Variants in MSRA observed in about 807,000 individuals in gnomAD.
The protein encoded by MSRA is mitochondrial peptide methionine sulfoxide reductase.
Under a neutral mutation model 31.3 loss-of-function variants are expected in MSRA, and 54 were observed. That is an observed-to-expected ratio of 1.73 (90% CI 1.39 to 2.17). The LOEUF (loss-of-function observed/expected upper bound fraction) is 2.17. Among genes scored for constraint, MSRA ranks in the 30% most tolerant of loss-of-function variants. The pLI, the probability that MSRA is intolerant of heterozygous loss-of-function variation, is 0.00. For missense variants in MSRA, 507 were observed against 300.9 expected (o/e 1.69, Z -5.07); for synonymous variants, 169 against 116.5 (o/e 1.45, Z -2.90).
In MSRA at chr8:10,138,288, AAGGT is replaced by A. The variant is rs1343002011; in HGVS notation, c.143-69544_143-69541del. Among the ~76,000 whole-genome samples, 3 of 152,184 alleles carry A rather than the reference AAGGT, an allele frequency of 2.0e-5. No homozygotes were observed. In the East Asian group the frequency reaches 5.8e-4, roughly 29 times the overall value. On this transcript the variant is annotated intron_variant, in intron 1 of 5. Coordinates refer to ENST00000317173, the MANE Select transcript of MSRA (RefSeq NM_012331.5). ...TCAATAAAGGTGCTATCTAAAGAAA[AAGGT>A]GCTATCTACAGAAAAGCTTGAAGAT...
chr8:10,142,247 C>G (rs1047225729), intron 1 of MSRA, among the ~76,000 whole-genome samples: 1 of 151,986 alleles, frequency 6.6e-6, no homozygotes, highest in Non-Finnish European at 1.5e-5. Flanking sequence ...CATGAGCCAC[C>G]GTGCCTGGCC....
chr8:10,337,729 C>CT (rs1383645575), intron 5 of MSRA: 8 of 702,478 alleles, frequency 1.1e-5, no homozygotes, highest in Non-Finnish European at 1.8e-5. Context: ...CCTGTTCTTC[C>CT]TCAGCCATGC....
rs564318246 is a variant in MSRA, at chr8:10,060,867, C to A, written c.142+6209C>A. Among the ~76,000 whole-genome samples, 285 of 152,232 alleles carry A rather than the reference C, an allele frequency of 1.9e-3. 2 individuals carry two copies. The highest frequency in any genetic ancestry group is 6.5e-3 in the African/African-American group (269 of 41,530). ...AAGAACAGATCTTTGAGGACAAATT[C>A]CTTCCACTATTATGTAGAAGGCATT... On this transcript the variant is annotated intron_variant, in intron 1 of 5. Coordinates refer to ENST00000317173, the MANE Select transcript of MSRA (RefSeq NM_012331.5).
intron 1 of MSRA, among the ~76,000 whole-genome samples, chr8:10,069,831 A>G (rs540335129): frequency 2.0e-5 from 3 of 152,116 alleles, no homozygotes; most frequent in Non-Finnish European, 4.4e-5. Context: ...GAAGTTCTCT[A>G]CTCTTAGTCT....
intron 5 of MSRA, among the ~76,000 whole-genome samples, chr8:10,413,989 A>AC (rs1808311427): frequency 6.6e-6 from 1 of 152,056 alleles, no homozygotes; most frequent in African/African-American, 2.4e-5. Flanking sequence ...ACATAGCGAG[A>AC]CCCCATCTCT....
At chr8:10,416,217 G>A (rs1222069640) in intron 5 of MSRA, among the ~76,000 whole-genome samples, 4 of 152,184 alleles carry the variant, frequency 2.6e-5, no homozygotes, top group African/African-American at 7.2e-5. Flanking sequence ...TGTGTTCCTC[G>A]TGCCTAGCCC....
At chr8:10,108,918 C>G (rs1004572007) in intron 1 of MSRA, among the ~76,000 whole-genome samples, 50 of 152,316 alleles carry the variant, frequency 3.3e-4, no homozygotes, top group African/African-American at 1.0e-3. Flanking sequence ...AGCTGCCAAG[C>G]TCTTAGCAGA....
intron 1 of MSRA, among the ~76,000 whole-genome samples, chr8:10,055,404 A>C (rs1802293881): frequency 6.6e-6 from 1 of 152,254 alleles, no homozygotes; most frequent in Non-Finnish European, 1.5e-5. Context: ...AAATCTTGGC[A>C]ATTTCTGCTG....
intron 1 of MSRA, among the ~76,000 whole-genome samples, chr8:10,060,235 T>A (rs2128911777): frequency 6.6e-6 from 1 of 152,338 alleles, no homozygotes; most frequent in South Asian, 2.1e-4. Context: ...AGTGGCTAGT[T>A]ACATAAATTA....
intron 3 of MSRA, among the ~76,000 whole-genome samples, chr8:10,264,290 G>A (rs973422090): frequency 3.3e-5 from 5 of 152,124 alleles, no homozygotes; most frequent in African/African-American, 1.2e-4. Context: ...TTAGCATGTA[G>A]CATTTAACCT....
At chr8:10,165,157 A>G (rs1009296422) in intron 1 of MSRA, among the ~76,000 whole-genome samples, 1 of 152,196 alleles carries the variant, frequency 6.6e-6, no homozygotes, top group African/African-American at 2.4e-5. Context: ...GGTTGAGAAG[A>G]TCAGCTCTTA....
chr8:10,153,748 A>C (rs981594870), intron 1 of MSRA, among the ~76,000 whole-genome samples: 1 of 152,214 alleles, frequency 6.6e-6, no homozygotes, highest in African/African-American at 2.4e-5. Context: ...TATCACGTTA[A>C]GAAATATGTT....
chr8:10,104,507 A>G, intron 1 of MSRA, among the ~76,000 whole-genome samples: 1 of 152,254 alleles, frequency 6.6e-6, no homozygotes, highest in Non-Finnish European at 1.5e-5. Flanking sequence ...AGGGGCTTCT[A>G]GGTCATAGGT....
chr8:10,175,403 C>T (rs527582452), intron 1 of MSRA, among the ~76,000 whole-genome samples: 3 of 152,278 alleles, frequency 2.0e-5, no homozygotes, highest in African/African-American at 7.2e-5. Flanking sequence ...CAAGTCACAA[C>T]GATCATTATT....
intron 1 of MSRA, among the ~76,000 whole-genome samples, chr8:10,161,814 C>T (rs1272305724): frequency 1.3e-5 from 2 of 150,830 alleles, no homozygotes; most frequent in East Asian, 1.9e-4. Context: ...GTGGGACCTT[C>T]GTGAATCCCG....
chr8:10,181,914 G>A (rs1806576903), intron 1 of MSRA, among the ~76,000 whole-genome samples: 1 of 152,170 alleles, frequency 6.6e-6, no homozygotes, highest in South Asian at 2.1e-4. Flanking sequence ...TTCGTGATTG[G>A]TGTGCATTTT....
chr8:10,245,557 T>G (rs943426562), intron 3 of MSRA, among the ~76,000 whole-genome samples: 1 of 152,242 alleles, frequency 6.6e-6, no homozygotes, highest in African/African-American at 2.4e-5. Flanking sequence ...ACCTGGGATT[T>G]GCTCATGTGG....
chr8:10,325,923 C>T (rs1802337521), intron 5 of MSRA, among the ~76,000 whole-genome samples: 1 of 152,142 alleles, frequency 6.6e-6, no homozygotes, highest in South Asian at 2.1e-4. Flanking sequence ...TCTTAACACT[C>T]CTGGATTATG....
At chr8:10,195,618 A>G (rs1447732567) in intron 1 of MSRA, among the ~76,000 whole-genome samples, 2 of 152,202 alleles carry the variant, frequency 1.3e-5, no homozygotes, top group East Asian at 1.9e-4. Flanking sequence ...AGAGACAATA[A>G]TTGAATAAAT....
Sources: allele counts gnomAD v4.1 joint callset (sites outside exome capture counted in the v4.1 genomes callset), GRCh38; gene constraint gnomAD v4.1.1; transcripts MANE v1.5; gene names NCBI Gene and HGNC (gene_info 2026-07-23, HGNC 2026-07-21).